FARSB: variants seen among roughly 807,000 people sequenced by gnomAD.
The protein encoded by FARSB is phenylalanine--tRNA ligase beta subunit.
FARSB carries 40 observed loss-of-function variants against 69.6 expected under a neutral mutation model. The ratio of observed to expected loss-of-function variants is 0.57; its 90% confidence interval spans 0.45 to 0.75. The LOEUF (loss-of-function observed/expected upper bound fraction) is 0.75. Ranked by LOEUF, FARSB falls within the 30% of genes least tolerant of loss-of-function variation. The pLI, the probability that FARSB is intolerant of heterozygous loss-of-function variation, is 0.00. For missense variants in FARSB, 632 were observed against 722.9 expected (o/e 0.87, Z 1.44); for synonymous variants, 235 against 247.2 (o/e 0.95, Z 0.46).
Position 222,619,650 on chromosome 2 carries a change from A to C in FARSB, c.1339T>G (p.Phe447Val). 6.4e-7 allele frequency: 1 copy of C among 1,559,834 alleles called. No individual in the cohort carries two copies. The highest frequency in any genetic ancestry group is 8.8e-7 in the Non-Finnish European group (1 of 1,131,330). Residue 447 changes from phenylalanine to valine, a missense_variant, in exon 14 of 17, where the codon TTT (phenylalanine) becomes GTT (valine). By Grantham distance (50) the Phe-to-Val change is conservative. Coordinates refer to ENST00000281828, the MANE Select transcript of FARSB (RefSeq NM_005687.5). ...VHISNPKTAEFQVARTTLLPG... is the reference protein window; with the variant it reads ...VHISNPKTAEVQVARTTLLPG... ...CACCTACTTAAAATTCTTACCTGAA[A>C]TTCAGCTGTTTTAGGATTACTTATG... is the stretch of plus-strand genomic sequence containing the variant.
At chr2:222,583,551 G>A (rs1255879623) in intron 16 of FARSB, among the ~76,000 whole-genome samples, 4 of 152,226 alleles carry the variant, frequency 2.6e-5, no homozygotes, top group Non-Finnish European at 5.9e-5. Flanking sequence ...TAACTGGCCT[G>A]TAATCTTCAA....
At chr2:222,653,299 G>A (rs1692083826) in intron 1 of FARSB, among the ~76,000 whole-genome samples, 1 of 152,138 alleles carries the variant, frequency 6.6e-6, no homozygotes, top group Non-Finnish European at 1.5e-5. Context: ...TAAAAAGGAA[G>A]GTGGGGACTG....
intron 2 of FARSB, among the ~76,000 whole-genome samples, chr2:222,644,176 A>G (rs531674556): frequency 1.3e-5 from 2 of 152,320 alleles, no homozygotes; most frequent in South Asian, 4.1e-4. Context: ...TAAGAATTAT[A>G]TCCACATTTG....
At chr2:222,590,444 AC>A (rs1690238529) in intron 16 of FARSB, among the ~76,000 whole-genome samples, 1 of 151,674 alleles carries the variant, frequency 6.6e-6, no homozygotes, top group African/African-American at 2.4e-5. Context: ...CAGCACACCA[AC>A]ATGGCACATG....
At chr2:222,601,950 C>A (rs1690571152) in intron 15 of FARSB, among the ~76,000 whole-genome samples, 1 of 152,180 alleles carries the variant, frequency 6.6e-6, no homozygotes, top group South Asian at 2.1e-4. Context: ...GTGTGAGCCA[C>A]TGTGCCCAGC....
chr2:222,636,082 A>G (rs1283182954), intron 5 of FARSB, among the ~76,000 whole-genome samples: 1 of 150,314 alleles, frequency 6.7e-6, no homozygotes, highest in Non-Finnish European at 1.5e-5. Context: ...TCTGTCTCAA[A>G]AAAAAAAAAA....
intron 16 of FARSB, among the ~76,000 whole-genome samples, chr2:222,598,176 A>G (rs1428266001): frequency 1.3e-5 from 2 of 152,230 alleles, no homozygotes; most frequent in Non-Finnish European, 2.9e-5. Context: ...AAACATCAAG[A>G]CAATCATTTT....
intron 6 of FARSB, 72 bp from the exon 7 acceptor site, chr2:222,633,379 C>A: frequency 4.2e-6 from 3 of 717,824 alleles, no homozygotes; most frequent in Admixed American, 2.7e-5. Flanking sequence ...ACATACTGAC[C>A]TAATATTAAA....
intron 16 of FARSB, among the ~76,000 whole-genome samples, chr2:222,593,812 ATGGCGCTACTGCACTCCAGTC>A (rs1690339892): frequency 6.6e-6 from 1 of 152,054 alleles, no homozygotes; most frequent in South Asian, 2.1e-4. Context: ...TCAAGTGGTG[ATGGCGCTACTGCACTCCAGTC>A]TGGGTGACAG....
chr2:222,609,843 C>T (rs1038845023), intron 15 of FARSB, among the ~76,000 whole-genome samples: 1 of 152,164 alleles, frequency 6.6e-6, no homozygotes, highest in African/African-American at 2.4e-5. Context: ...TACAGGAATA[C>T]TGGTCACATA....
intron 10 of FARSB, 151 bp from the exon 11 acceptor site, chr2:222,624,926 G>C (rs930809502): frequency 7.2e-6 from 4 of 558,854 alleles, no homozygotes; most frequent in Admixed American, 3.5e-5. Context: ...TTCAAAAACA[G>C]TATTATGAGG....
At chr2:222,629,484 T>A (rs1044326479) in intron 9 of FARSB, among the ~76,000 whole-genome samples, 4 of 152,258 alleles carry the variant, frequency 2.6e-5, no homozygotes, top group Admixed American at 1.3e-4. Flanking sequence ...TAGCTGCTCT[T>A]TTGCTGTTCC....
chr2:222,596,628 A>C (rs1348003271), intron 16 of FARSB, among the ~76,000 whole-genome samples: 1 of 152,194 alleles, frequency 6.6e-6, no homozygotes, highest in Non-Finnish European at 1.5e-5. Context: ...CTACTTTTTA[A>C]TACTCTGAAG....
intron 7 of FARSB, among the ~76,000 whole-genome samples, 164 bp downstream of exon 7, chr2:222,633,035 T>C (rs935029865): frequency 5.3e-5 from 8 of 152,150 alleles, no homozygotes; most frequent in Non-Finnish European, 1.0e-4. Flanking sequence ...AAAATGTTGT[T>C]GAATAAATGA....
In FARSB at chr2:222,639,637, T is replaced by G; in HGVS notation, c.398A>C (p.Lys133Thr). The G allele has an allele frequency of 6.3e-7, 1 of 1,596,374 alleles. No homozygotes were observed. The highest frequency in any genetic ancestry group is 8.5e-7 in the Non-Finnish European group (1 of 1,170,060). ...AAVLRNIKFT[K>T]DRYDSFIELQ... is the part of the protein sequence containing the mutation. The stretch of plus-strand genomic sequence containing the variant: ...TTCAATGAAGCTGTCATATCGATCT[T>G]TAGTAAACTTTATATTACGGAGAAC... The change falls in exon 5 of 17, where the codon AAA (lysine) becomes ACA (threonine). Residue 133 changes from lysine (K) to threonine (T), a missense_variant. Lys to Thr is a moderately conservative substitution (Grantham distance 78, BLOSUM62 -1). Coordinates refer to ENST00000281828, the MANE Select transcript of FARSB (RefSeq NM_005687.5).
chr2:222,572,141 A>G lies in FARSB; in HGVS notation c.1619-119T>C, dbSNP rs3768976. 0.32 allele frequency: 252,838 copies of G among 794,822 alleles called. 42,744 individuals are homozygous for G. The highest frequency in any genetic ancestry group is 0.45 in the Middle Eastern group (1,172 of 2,588). 49.2% of individuals were successfully genotyped at this position (794,822 alleles called of 1,614,324 possible). ...ATAACTATTCTTTAAATCACTGGCTATGAAAAGAGAACGCTTCCTCATACT... is the reference window on the plus strand; with the variant it reads ...ATAACTATTCTTTAAATCACTGGCTGTGAAAAGAGAACGCTTCCTCATACT... On this transcript the variant is annotated intron_variant, in intron 16 of 16. Transcript: ENST00000281828.
At chr2:222,597,311 C>T (rs906688181) in intron 16 of FARSB, among the ~76,000 whole-genome samples, 1 of 152,056 alleles carries the variant, frequency 6.6e-6, no homozygotes, top group African/African-American at 2.4e-5. Context: ...TCAAAAGGAA[C>T]CACAAGTCTG....
intron 16 of FARSB, among the ~76,000 whole-genome samples, chr2:222,593,154 G>A (rs79173289): frequency 5.9e-5 from 9 of 152,188 alleles, no homozygotes; most frequent in African/African-American, 2.2e-4. Flanking sequence ...GTTATAGCAC[G>A]CATTTTCCAC....
rs13426706 is a variant in FARSB, at chr2:222,570,049, T to C, written c.*1822A>G. On this transcript the variant is annotated 3_prime_UTR_variant, in exon 17 of 17. Transcript: ENST00000281828. The stretch of plus-strand genomic sequence containing the variant: ...CCACTTGCTCCAGTCTCAGCAGTAT[T>C]TGATTTATGAATCTTAAATTTTAGC... Among the ~76,000 whole-genome samples, 15,522 of 152,214 alleles carry C rather than the reference T, an allele frequency of 0.1. 1,086 individuals carry two copies. The highest frequency in any genetic ancestry group is 0.15 in the Non-Finnish European group (9,970 of 67,990).
Sources: gnomAD v4.1 joint callset for allele counts (sites outside exome capture counted in the v4.1 genomes callset) on GRCh38, gnomAD v4.1.1 for gene constraint, MANE v1.5 for transcripts, NCBI Gene and HGNC (gene_info 2026-07-23, HGNC 2026-07-21) for gene names.